APBB1: variants seen among roughly 807,000 people sequenced by gnomAD.
The protein encoded by APBB1 is adaptor protein FE65a2.
A neutral mutation model predicts 78.4 loss-of-function variants in APBB1; 22 were observed. That is an observed-to-expected ratio of 0.28 (90% CI 0.20 to 0.40). APBB1 has a LOEUF of 0.40. Among genes scored for constraint, APBB1 ranks in the 10% least tolerant of loss-of-function variants. APBB1 has a pLI of 1.00. For missense variants in APBB1, 749 were observed against 932.4 expected (o/e 0.80, Z 2.56); for synonymous variants, 369 against 372.7 (o/e 0.99, Z 0.12).
intron 1 of APBB1, among the ~76,000 whole-genome samples, chr11:6,412,094 G>C (rs1848981107): frequency 6.6e-6 from 1 of 152,196 alleles, no homozygotes; most frequent in Non-Finnish European, 1.5e-5. Flanking sequence ...GGATCACTAT[G>C]GGAGCCTTTC....
At position 6,395,436 on chromosome 11, in the gene APBB1, C is replaced by A. The variant is rs915435526; in HGVS notation, c.*98G>T. On this transcript the variant is annotated 3_prime_UTR_variant, in exon 15 of 15. Coordinates refer to ENST00000609360, the MANE Select transcript of APBB1 (RefSeq NM_001164.5). The surrounding 1 kb of genome is among the most constrained non-coding windows in gnomAD (Gnocchi z 5.2). ...ACTGGGGAGGGGCATATTTGGGAGG[C>A]CTGAGGCCTAGGAATAGCCTCTAGA... The A allele has an allele frequency of 3.7e-6, 5 of 1,338,710 alleles. No homozygotes were observed. In the Admixed American group the frequency reaches 1.6e-4, roughly 44 times the overall value. The allele number at this position is 1,338,710 out of a possible 1,614,324, so 82.9% of individuals were successfully genotyped here. A position where few individuals can be genotyped will look rare whatever the true frequency, so the allele number is the denominator to read the frequency against.
At chr11:6,407,666 G>A (rs956593345) in intron 2 of APBB1, among the ~76,000 whole-genome samples, 3 of 152,150 alleles carry the variant, frequency 2.0e-5, no homozygotes, top group Non-Finnish European at 4.4e-5. Flanking sequence ...TAATCAGCTG[G>A]AGTGCAGGAG....
In APBB1 at chr11:6,395,627, A is replaced by G. The variant is rs780891655; in HGVS notation, c.2040T>C (p.Ser680=). The part of the protein sequence containing the change: ...TSCLPAPPAE[S]VARRVGWTVR... ...CAGTCCACCCTACACGCCGTGCCAC[A>G]GACTCAGCAGGGGGTGCTGGGAGGC... is the stretch of plus-strand genomic sequence containing the variant. The change falls in exon 15 of 15, where the codon TCT becomes TCC. Residue 680 remains serine (S), a synonymous_variant. Coordinates refer to ENST00000609360, the MANE Select transcript of APBB1 (RefSeq NM_001164.5). The surrounding 1 kb of genome is among the most constrained non-coding windows in gnomAD (Gnocchi z 5.2). 2.5e-6 allele frequency: 4 copies of G among 1,597,974 alleles called. No individual in the cohort carries two copies. The Admixed American group carries it at 6.9e-5, about 27-fold the overall frequency.
At position 6,401,676 on chromosome 11, in the gene APBB1, G is replaced by A. The variant is rs576088794; in HGVS notation, c.1401C>T (p.Tyr467=). 1.7e-5 allele frequency: 28 copies of A among 1,614,168 alleles called. No individual in the cohort carries two copies. Among genetic ancestry groups the A allele is most frequent in the Middle Eastern group, 1.6e-4 (1 of 6,062 alleles). Reference sequence around the variant, plus strand: ...TCTGGGTCAGCTTATCACGAGCTACGTAGGCAAAGTCCCTGTTGGGGAAGG... The same window carrying A: ...TCTGGGTCAGCTTATCACGAGCTACATAGGCAAAGTCCCTGTTGGGGAAGG... The part of the protein sequence containing the change: ...RDSGRERDFA[Y]VARDKLTQML... Residue 467 remains tyrosine (Y), a synonymous_variant, in exon 10 of 15, where the codon TAC becomes TAT. Transcript: ENST00000609360. The surrounding 1 kb of genome is among the most constrained non-coding windows in gnomAD (Gnocchi z 4.5).
Position 6,403,059 on chromosome 11 carries a change from C to A in APBB1, c.1104+86G>T. On this transcript the variant is annotated intron_variant, in intron 6 of 14. Transcript: ENST00000609360. This position sits in a 1 kb window ranked among gnomAD's most constrained non-coding sequence, Gnocchi z 5.3. ...CTAACTCAGGACCTGGGGAACTGCGCTGAGACCCCTCAGAGCACAACATTA... is the reference window on the plus strand; with the variant it reads ...CTAACTCAGGACCTGGGGAACTGCGATGAGACCCCTCAGAGCACAACATTA... The A allele has an allele frequency of 7.6e-7, 1 of 1,322,270 alleles. No homozygotes were observed. The allele number at this position is 1,322,270 out of a possible 1,614,324, so 81.9% of individuals were successfully genotyped here.
rs1848636342 is a variant in APBB1, at chr11:6,403,412, A to G, written c.955-8T>C. Reference sequence around the variant, plus strand: ...CTCATCACTGGGTTCATCCTTGGGAAGGGGATTGAGGAATCAGTATCAAAA... The same window carrying G: ...CTCATCACTGGGTTCATCCTTGGGAGGGGGATTGAGGAATCAGTATCAAAA... On this transcript the variant is annotated splice_region_variant and splice_polypyrimidine_tract_variant and intron_variant, in intron 4 of 14. Coordinates refer to ENST00000609360, the MANE Select transcript of APBB1 (RefSeq NM_001164.5). The surrounding 1 kb of genome is among the most constrained non-coding windows in gnomAD (Gnocchi z 5.3). 1 of 1,614,074 alleles carries G rather than the reference A, an allele frequency of 6.2e-7. No individual in the cohort carries two copies. The highest frequency in any genetic ancestry group is 1.7e-5 in the Admixed American group (1 of 60,006).
rs779446978 is a variant in APBB1, at chr11:6,403,638, G to A, written c.897+9C>T. On this transcript the variant is annotated intron_variant, in intron 3 of 14. Transcript: ENST00000609360. The surrounding 1 kb of genome is among the most constrained non-coding windows in gnomAD (Gnocchi z 5.3). ...CCTGGCCCAAAATCAACAGGCCTGTGAGCCTCACCTGGGACTCCTCTTGGG... is the reference window on the plus strand; with the variant it reads ...CCTGGCCCAAAATCAACAGGCCTGTAAGCCTCACCTGGGACTCCTCTTGGG... 1.1e-5 allele frequency: 18 copies of A among 1,611,002 alleles called. No individual in the cohort carries two copies. Among genetic ancestry groups the A allele is most frequent in the Middle Eastern group, 1.7e-4 (1 of 6,050 alleles).
intron 2 of APBB1, among the ~76,000 whole-genome samples, chr11:6,407,934 C>G (rs908735311): frequency 1.3e-5 from 2 of 151,888 alleles, no homozygotes; most frequent in Non-Finnish European, 2.9e-5. Flanking sequence ...CGCCCGCCAC[C>G]GCGCCCGGCT....
chr11:6,412,524 G>A (rs1262629286), intron 1 of APBB1, among the ~76,000 whole-genome samples: 1 of 152,088 alleles, frequency 6.6e-6, no homozygotes, highest in Non-Finnish European at 1.5e-5. Context: ...TAAAACCACA[G>A]GCTACCTCCG....
chr11:6,417,606 A>G (rs2134116561), intron 1 of APBB1, among the ~76,000 whole-genome samples: 1 of 152,362 alleles, frequency 6.6e-6, no homozygotes, highest in South Asian at 2.1e-4. Context: ...GAACAGTTAA[A>G]GGGAGGTAGG....
intron 1 of APBB1, among the ~76,000 whole-genome samples, chr11:6,418,161 G>A (rs1179467615): frequency 6.6e-6 from 1 of 152,208 alleles, no homozygotes; most frequent in Non-Finnish European, 1.5e-5. Flanking sequence ...AGATTGAGAA[G>A]AGCAGACAAT....
chr11:6,412,221 T>G (rs879394175), intron 1 of APBB1, among the ~76,000 whole-genome samples: 2 of 152,178 alleles, frequency 1.3e-5, no homozygotes, highest in African/African-American at 2.4e-5. Flanking sequence ...GGCACAATCT[T>G]GGCTCACTGC....
chr11:6,396,586 G>C, intron 12 of APBB1: 1 of 260,546 alleles, frequency 3.8e-6, no homozygotes, highest in South Asian at 4.4e-5. Flanking sequence ...TCCCAAATCA[G>C]ACCCTACAGG....
At chr11:6,417,632 T>C (rs1368874703) in intron 1 of APBB1, among the ~76,000 whole-genome samples, 1 of 152,212 alleles carries the variant, frequency 6.6e-6, no homozygotes, top group Non-Finnish European at 1.5e-5. Context: ...GGGTATGCTA[T>C]TAAAGTAGTC....
At chr11:6,407,826 G>A (rs1327506512) in intron 2 of APBB1, among the ~76,000 whole-genome samples, 1 of 147,076 alleles carries the variant, frequency 6.8e-6, no homozygotes, top group Non-Finnish European at 1.5e-5. Context: ...GGGCCGGACT[G>A]CGGACTGCAG....
chr11:6,418,887 G>A (rs1053158086), intron 1 of APBB1, 98 bp downstream of exon 1: 8 of 362,166 alleles, frequency 2.2e-5, no homozygotes, highest in South Asian at 1.5e-4. Flanking sequence ...CCGGCCGGGG[G>A]ACCCGGGCTG....
intron 12 of APBB1, among the ~76,000 whole-genome samples, chr11:6,400,536 G>C (rs1848448797): frequency 1.3e-5 from 1 of 77,856 alleles, no homozygotes; most frequent in Non-Finnish European, 2.5e-5. Context: ...AGCGAGACTT[G>C]TCTTTAAAAA....
At chr11:6,397,499 T>C (rs569556361) in intron 12 of APBB1, among the ~76,000 whole-genome samples, 1 of 152,184 alleles carries the variant, frequency 6.6e-6, no homozygotes, top group Non-Finnish European at 1.5e-5. Flanking sequence ...AGATGGGGAA[T>C]ACAAAGCAAG....
rs1848182221 is a variant in APBB1 at position 6,395,788 on chromosome 11, T to C, written c.1963A>G (p.Met655Val). 2 of 1,613,682 alleles carry C rather than the reference T, an allele frequency of 1.2e-6. No individual in the cohort carries two copies. Among genetic ancestry groups the C allele is most frequent in the Non-Finnish European group, 1.7e-6 (2 of 1,179,914 alleles). ...ACACCACCCTACTAGTAGCTTACCA[T>C]GCACGCAGCCTGCACAGCCTCTGAG... ...SLSEAVQAAC[M>V]LRYQKCLDAR... The change falls in exon 14 of 15, where the codon ATG becomes GTG. Residue 655 changes from methionine (M) to valine (V), a missense_variant and splice_region_variant. Met to Val is a conservative substitution (Grantham distance 21). This residue lies in a region of APBB1 where 96 missense variants were observed against 116.0 expected (regional missense o/e 0.83). Transcript: ENST00000609360. The surrounding 1 kb of genome is among the most constrained non-coding windows in gnomAD (Gnocchi z 5.2).
Sources: gnomAD v4.1 joint callset for allele counts (sites outside exome capture counted in the v4.1 genomes callset) on GRCh38, gnomAD v4.1.1 for gene constraint, gnomAD v4.1.1 regional missense constraint, Gnocchi (gnomAD v3.1) non-coding constraint, MANE v1.5 for transcripts, NCBI Gene and HGNC (gene_info 2026-07-23, HGNC 2026-07-21) for gene names.